ITGA2: variants seen among roughly 807,000 people sequenced by gnomAD.
ITGA2 encodes integrin alpha-2.
In ITGA2, 101 loss-of-function variants were observed where a neutral mutation model predicts 146.3. The observed-to-expected ratio is 0.69, with a 90% confidence interval of 0.59 to 0.81. ITGA2 has a LOEUF of 0.81. Ranked by LOEUF, ITGA2 falls within the 40% of genes least tolerant of loss-of-function variation. The pLI, the probability that ITGA2 is intolerant of heterozygous loss-of-function variation, is 0.00. For missense variants in ITGA2, 1,281 were observed against 1,402.7 expected (o/e 0.91, Z 1.39); for synonymous variants, 477 against 487.1 (o/e 0.98, Z 0.27).
intron 1 of ITGA2, among the ~76,000 whole-genome samples, 198 bp downstream of exon 1, chr5:52,989,730 C>T (rs1472750360): frequency 6.6e-6 from 1 of 152,112 alleles, no homozygotes; most frequent in African/African-American, 2.4e-5. Context: ...CCAGGCCTTG[C>T]GTCCCCATTA....
chr5:53,084,163 G>C (rs1746046343), intron 27 of ITGA2, among the ~76,000 whole-genome samples: 2 of 152,126 alleles, frequency 1.3e-5, no homozygotes, highest in African/African-American at 4.8e-5. Context: ...AAAATATAAG[G>C]ATAGACAGGC....
At chr5:53,052,125 A>G (rs1393707829) in intron 7 of ITGA2, among the ~76,000 whole-genome samples, 1 of 152,080 alleles carries the variant, frequency 6.6e-6, no homozygotes, top group Non-Finnish European at 1.5e-5. Flanking sequence ...GTTCTGGGAT[A>G]CATGTGCAGA....
intron 16 of ITGA2, among the ~76,000 whole-genome samples, chr5:53,068,808 C>T (rs1745259158): frequency 6.7e-6 from 1 of 150,278 alleles, no homozygotes. Flanking sequence ...ATCAGGTGCA[C>T]ACTTCACTTT....
At chr5:53,054,419 ACTAT>A (rs1263082616) in intron 7 of ITGA2, among the ~76,000 whole-genome samples, 1 of 152,064 alleles carries the variant, frequency 6.6e-6, no homozygotes, top group Non-Finnish European at 1.5e-5. Flanking sequence ...TTTATTTGAT[ACTAT>A]CTATTAAAAT....
intron 2 of ITGA2, among the ~76,000 whole-genome samples, chr5:53,033,152 C>A (rs956084821): frequency 6.6e-6 from 1 of 152,070 alleles, no homozygotes; most frequent in Non-Finnish European, 1.5e-5. Flanking sequence ...ACCTGTAATC[C>A]CAGCTCCTTG....
chr5:53,047,677 G>A (rs1424143543), intron 4 of ITGA2, among the ~76,000 whole-genome samples: 1 of 152,106 alleles, frequency 6.6e-6, no homozygotes, highest in African/African-American at 2.4e-5. Flanking sequence ...ATACCCGTGG[G>A]CAGGCAGAAA....
intron 20 of ITGA2, 134 bp downstream of exon 20, chr5:53,073,393 ACT>A: frequency 1.1e-6 from 1 of 939,808 alleles, no homozygotes. Context: ...GTGGCTTCCG[ACT>A]AGTTAAACTG....
chr5:52,994,765 A>G (rs544008456), intron 1 of ITGA2, among the ~76,000 whole-genome samples: 3 of 152,318 alleles, frequency 2.0e-5, no homozygotes, highest in South Asian at 4.1e-4. Context: ...ATCATTTTCT[A>G]TAACTTAGAG....
chr5:52,997,170 A>T (rs1258759593), intron 1 of ITGA2, among the ~76,000 whole-genome samples: 1 of 152,216 alleles, frequency 6.6e-6, no homozygotes, highest in African/African-American at 2.4e-5. Flanking sequence ...AGCTCCATAG[A>T]CTGTTGGGAC....
intron 1 of ITGA2, among the ~76,000 whole-genome samples, chr5:53,024,018 C>T (rs970788800): frequency 3.3e-5 from 5 of 152,118 alleles, no homozygotes; most frequent in Non-Finnish European, 7.4e-5. Flanking sequence ...TAAAGAAGGT[C>T]ATGCTTTGTG....
chr5:52,991,143 C>T (rs1023516626), intron 1 of ITGA2, among the ~76,000 whole-genome samples: 2 of 152,042 alleles, frequency 1.3e-5, no homozygotes, highest in African/African-American at 2.4e-5. Flanking sequence ...CAGAGATGAT[C>T]GAAAATAACA....
intron 1 of ITGA2, among the ~76,000 whole-genome samples, chr5:53,008,977 CT>C (rs1395141564): frequency 2.0e-5 from 3 of 152,136 alleles, no homozygotes; most frequent in East Asian, 1.9e-4. Flanking sequence ...ATCAGTTCCC[CT>C]TTCCCCACTC....
intron 20 of ITGA2, 66 bp downstream of exon 20, chr5:53,073,325 T>G: frequency 6.4e-7 from 1 of 1,556,146 alleles, no homozygotes; most frequent in Non-Finnish European, 8.9e-7. Context: ...GTCTTCTCTA[T>G]GTCCTCTGAG....
chr5:53,070,396 A>G, intron 17 of ITGA2, 136 bp downstream of exon 17: 3 of 760,880 alleles, frequency 3.9e-6, no homozygotes, highest in Non-Finnish European at 6.7e-6. Flanking sequence ...AATTCCATAA[A>G]TAAGAAGCAT....
chr5:53,071,300 G>A lies in ITGA2; in HGVS notation c.2236-638G>A, dbSNP rs896251904. Among the ~76,000 whole-genome samples, 4 of 151,822 alleles carry A rather than the reference G, an allele frequency of 2.6e-5. 1 individual carries two copies. The highest frequency in any genetic ancestry group is 5.9e-5 in the Non-Finnish European group (4 of 67,860). Reference sequence around the variant, plus strand: ...CCTTCTCTCCCATCCTGTGCTGACTGGTGGATCAGATTATACATGCAATCC... The same window carrying A: ...CCTTCTCTCCCATCCTGTGCTGACTAGTGGATCAGATTATACATGCAATCC... On this transcript the variant is annotated intron_variant, in intron 17 of 29. Transcript: ENST00000296585.
intron 2 of ITGA2, among the ~76,000 whole-genome samples, chr5:53,034,985 G>A (rs1454109104): frequency 6.6e-6 from 1 of 152,144 alleles, no homozygotes; most frequent in Non-Finnish European, 1.5e-5. Flanking sequence ...TTCTTTAAAT[G>A]AAAACATAAA....
chr5:53,048,403 A>G lies in ITGA2; in HGVS notation c.428A>G (p.Tyr143Cys), dbSNP rs759258214. ...PLWAQQCGNQYYTTGVCSDIS... is the reference protein window; with the variant it reads ...PLWAQQCGNQCYTTGVCSDIS... The stretch of plus-strand genomic sequence containing the variant: ...TGGGCACAGCAATGTGGGAATCAGT[A>G]TTACACAACGGGTGTGTGTTCTGAC... The change falls in exon 5 of 30, where the codon TAT (tyrosine) becomes TGT (cysteine). Residue 143 changes from tyrosine to cysteine, a missense_variant. Physicochemically the swap from Tyr to Cys is radical, Grantham distance 194. This residue lies in a region of ITGA2 where 795 missense variants were observed against 841.7 expected (regional missense o/e 0.94). Transcript: ENST00000296585. The G allele has an allele frequency of 1.2e-6, 2 of 1,614,160 alleles. No homozygotes were observed. The highest frequency in any genetic ancestry group is 2.2e-5 in the East Asian group (1 of 44,874).
rs188800451 is a variant in ITGA2, at chr5:53,083,130, T to C, written c.3145-210T>C. On this transcript the variant is annotated intron_variant, in intron 26 of 29. Coordinates refer to ENST00000296585, the MANE Select transcript of ITGA2 (RefSeq NM_002203.4). ...CTATACAGACAGGAAATGGATGGGGTAAAGAGTGTGCACTTGGTACATTTT... is the reference window on the plus strand; with the variant it reads ...CTATACAGACAGGAAATGGATGGGGCAAAGAGTGTGCACTTGGTACATTTT... 3.1e-4 allele frequency among the ~76,000 whole-genome samples: 47 copies of C among 152,136 alleles called. No homozygotes were observed. The East Asian group carries it at 8.9e-3, about 29-fold the overall frequency.
chr5:53,036,207 T>C (rs1007122233), intron 2 of ITGA2, among the ~76,000 whole-genome samples: 2 of 152,200 alleles, frequency 1.3e-5, no homozygotes, highest in Non-Finnish European at 2.9e-5. Flanking sequence ...GCCTGGATGA[T>C]TGCAGTTGTC....
Sources: allele counts gnomAD v4.1 joint callset (sites outside exome capture counted in the v4.1 genomes callset), GRCh38; gene constraint gnomAD v4.1.1; regional missense constraint gnomAD v4.1.1; transcripts MANE v1.5; gene names NCBI Gene and HGNC (gene_info 2026-07-23, HGNC 2026-07-21).